Variants in CCNYL1 observed in about 807,000 individuals in gnomAD.
The protein encoded by CCNYL1 is cyclin-Y-like protein 1.
Under a neutral mutation model 44.2 loss-of-function variants are expected in CCNYL1, and 16 were observed. The observed-to-expected ratio is 0.36, with a 90% CI of 0.25 to 0.55. The LOEUF is 0.55. CCNYL1 is among the 20% of genes least tolerant of loss of function. CCNYL1 has a pLI of 0.85. For synonymous variants in CCNYL1, 159 were observed against 163.2 expected (o/e 0.97, Z 0.20); for missense variants, 348 against 451.8 (o/e 0.77, Z 2.08).
At position 207,723,172 on chromosome 2, in the gene CCNYL1, T is replaced by C. The variant is rs1191228641; in HGVS notation, c.221-1628T>C. On this transcript the variant is annotated intron_variant, in intron 1 of 9. Transcript: ENST00000295414. ...GTTTAAAAAAGTTGAGTGAAGGACT[T>C]TCCATGGAGAACAAAGCAGTTGGTT... is the stretch of plus-strand genomic sequence containing the variant. 2.6e-5 allele frequency among the ~76,000 whole-genome samples: 4 copies of C among 152,328 alleles called. No homozygotes were observed. The East Asian group carries it at 7.7e-4, about 29-fold the overall frequency.
chr2:207,713,125 A>G (rs2091566147), intron 1 of CCNYL1, among the ~76,000 whole-genome samples: 1 of 152,180 alleles, frequency 6.6e-6, no homozygotes, highest in Admixed American at 6.5e-5. Flanking sequence ...TTGTTAACTC[A>G]AAGGAGTTTA....
intron 5 of CCNYL1, among the ~76,000 whole-genome samples, chr2:207,740,403 A>G (rs904026578): frequency 6.6e-6 from 1 of 152,216 alleles, no homozygotes; most frequent in Non-Finnish European, 1.5e-5. Flanking sequence ...GGGAGGGCCA[A>G]TACTTAAAGG....
At chr2:207,734,101 G>A in intron 4 of CCNYL1, 54 bp downstream of exon 4, 1 of 1,103,012 alleles carries the variant, frequency 9.1e-7, no homozygotes, top group South Asian at 1.3e-5. Flanking sequence ...TATGCTAAAA[G>A]CATCCTAGCC....
chr2:207,735,043 A>C (rs2091754472), intron 4 of CCNYL1, among the ~76,000 whole-genome samples: 1 of 152,184 alleles, frequency 6.6e-6, no homozygotes, highest in South Asian at 2.1e-4. Flanking sequence ...TTTGAATTCA[A>C]AAGATTCTGA....
intron 1 of CCNYL1, among the ~76,000 whole-genome samples, chr2:207,722,919 A>G (rs2091651956): frequency 6.6e-6 from 1 of 151,762 alleles, no homozygotes; most frequent in Admixed American, 6.6e-5. Context: ...AGATTGCACC[A>G]CAGCACTCCA....
intron 1 of CCNYL1, among the ~76,000 whole-genome samples, chr2:207,718,382 C>T: frequency 6.6e-6 from 1 of 151,988 alleles, no homozygotes; most frequent in Admixed American, 6.6e-5. Context: ...GTGGCACACA[C>T]CCATAGTCCC....
chr2:207,741,709 G>C (rs759786035), intron 6 of CCNYL1, among the ~76,000 whole-genome samples: 3 of 151,970 alleles, frequency 2.0e-5, no homozygotes, highest in Non-Finnish European at 2.9e-5. Context: ...AGCCGGACAT[G>C]TTGGTGCACG....
chr2:207,720,211 G>C lies in CCNYL1; in HGVS notation c.221-4589G>C, dbSNP rs183439239. On this transcript the variant is annotated intron_variant, in intron 1 of 9. Coordinates refer to ENST00000295414, the MANE Select transcript of CCNYL1 (RefSeq NM_001330218.2). Reference sequence around the variant, plus strand: ...TCAAAAAAAAAAAAAAAAAAAAAAGGCTTGGTAGATCAAGAATGTAAATTT... The same window carrying C: ...TCAAAAAAAAAAAAAAAAAAAAAAGCCTTGGTAGATCAAGAATGTAAATTT... Among the ~76,000 whole-genome samples the C allele has an allele frequency of 5.0e-3, 704 of 141,702 alleles. 5 individuals carry two copies. The highest frequency in any genetic ancestry group is 9.2e-3 in the Admixed American group (132 of 14,358). 93.0% of individuals were successfully genotyped at this position (141,702 alleles called of 152,430 possible).
intron 1 of CCNYL1, among the ~76,000 whole-genome samples, chr2:207,717,735 T>G (rs2091607763): frequency 6.6e-6 from 1 of 151,946 alleles, no homozygotes; most frequent in African/African-American, 2.4e-5. Context: ...GGAGCAAACT[T>G]GTTTTTGGCC....
chr2:207,746,204 A>G (rs1193325449), intron 7 of CCNYL1, among the ~76,000 whole-genome samples: 1 of 152,200 alleles, frequency 6.6e-6, no homozygotes, highest in Non-Finnish European at 1.5e-5. Context: ...TTTACAGCCT[A>G]AAGACCTGTC....
At chr2:207,727,670 T>A (rs1324945956) in intron 3 of CCNYL1, among the ~76,000 whole-genome samples, 1 of 152,220 alleles carries the variant, frequency 6.6e-6, no homozygotes, top group Non-Finnish European at 1.5e-5. Flanking sequence ...CTGTTCCATT[T>A]TTCTCTTGGA....
chr2:207,712,993 T>C (rs1297098748), intron 1 of CCNYL1, among the ~76,000 whole-genome samples: 1 of 151,944 alleles, frequency 6.6e-6, no homozygotes, highest in Non-Finnish European at 1.5e-5. Flanking sequence ...TTTTTGAATT[T>C]TTAGTAGAGA....
rs933412126 is a variant in CCNYL1, at chr2:207,742,240, G to A, written c.537G>A (p.Glu179=). 1.2e-6 allele frequency: 2 copies of A among 1,609,334 alleles called. No individual in the cohort carries two copies. Among genetic ancestry groups the A allele is most frequent in the African/African-American group, 2.7e-5 (2 of 74,612 alleles). The part of the protein sequence containing the change: ...SHPLTREKVP[E]EYFKHDPEHK... ...TCTTTCAGCGAGAAAAAGTTCCAGA[G>A]GAATACTTTAAGCATGATCCTGAGC... Residue 179 remains glutamate (E), a synonymous_variant, in exon 7 of 10, where the codon GAG becomes GAA. Coordinates refer to ENST00000295414, the MANE Select transcript of CCNYL1 (RefSeq NM_001330218.2).
chr2:207,728,963 A>G (rs931306519), intron 3 of CCNYL1, among the ~76,000 whole-genome samples: 3 of 151,828 alleles, frequency 2.0e-5, no homozygotes, highest in Non-Finnish European at 4.4e-5. Flanking sequence ...AGCCTGACTA[A>G]TTTTTTTGTA....
chr2:207,717,987 C>G (rs1001392613), intron 1 of CCNYL1, among the ~76,000 whole-genome samples: 1 of 151,414 alleles, frequency 6.6e-6, no homozygotes, highest in African/African-American at 2.4e-5. Context: ...TCACTGCAAC[C>G]TCCGCCTCCT....
rs761631615 is a variant in CCNYL1, at chr2:207,753,723, T to C, written c.*25T>C. ...AAAGGAGAAATGAGGGGTTATAACGTCATGGGACCTTCATCTACAAAGACT... is the reference window on the plus strand; with the variant it reads ...AAAGGAGAAATGAGGGGTTATAACGCCATGGGACCTTCATCTACAAAGACT... On this transcript the variant is annotated 3_prime_UTR_variant, in exon 10 of 10. Transcript: ENST00000295414. 7.2e-7 allele frequency: 1 copy of C among 1,395,766 alleles called. No individual in the cohort carries two copies. Among genetic ancestry groups the C allele is most frequent in the East Asian group, 2.3e-5 (1 of 43,558 alleles). 86.5% of individuals were successfully genotyped at this position (1,395,766 alleles called of 1,614,324 possible).
rs201771043 is a variant in CCNYL1, at chr2:207,727,965, T to TC, written c.330+1089_330+1090insC. On this transcript the variant is annotated intron_variant, in intron 3 of 9. Transcript: ENST00000295414. The stretch of plus-strand genomic sequence containing the variant: ...TCCCCTATTTCTTTCTCTCTCTCTC[T>TC]TTTTTTTTTTTTTTTGAGACAAAGT... 4.5e-3 allele frequency among the ~76,000 whole-genome samples: 609 copies of TC among 134,986 alleles called. 4 individuals are homozygous for TC. The highest frequency in any genetic ancestry group is 0.015 in the African/African-American group (501 of 34,410). The allele number at this position is 134,986 out of a possible 152,430, so 88.6% of individuals were successfully genotyped here. A position where few individuals can be genotyped will look rare whatever the true frequency, so the allele number is the denominator to read the frequency against.
At chr2:207,735,819 G>A (rs1024858683) in intron 4 of CCNYL1, among the ~76,000 whole-genome samples, 1 of 151,854 alleles carries the variant, frequency 6.6e-6, no homozygotes. Context: ...AGCCGAGATT[G>A]TGCCATTTTA....
At chr2:207,738,069 T>G (rs2091778933) in intron 5 of CCNYL1, among the ~76,000 whole-genome samples, 1 of 152,204 alleles carries the variant, frequency 6.6e-6, no homozygotes, top group South Asian at 2.1e-4. Flanking sequence ...GTAGGTGTAT[T>G]ACGTGGCTAA....
Sources: gnomAD v4.1 joint callset for allele counts (sites outside exome capture counted in the v4.1 genomes callset) on GRCh38, gnomAD v4.1.1 for gene constraint, MANE v1.5 for transcripts, NCBI Gene and HGNC (gene_info 2026-07-23, HGNC 2026-07-21) for gene names.